The following NTRK3 variants were observed in gnomAD, a reference collection of about 807,000 sequenced individuals.
NTRK3 encodes neurotrophic receptor tyrosine kinase 3, also known as NT-3 growth factor receptor.
NTRK3 carries 24 observed loss-of-function variants against 91.7 expected under a neutral mutation model. The ratio of observed to expected loss-of-function variants is 0.26; its 90% CI spans 0.19 to 0.37. NTRK3 has a LOEUF of 0.37. Ranked by LOEUF, NTRK3 falls within the 10% of genes least tolerant of loss-of-function variation. NTRK3 has a pLI of 1.00. For missense variants in NTRK3, 880 were observed against 1,068.9 expected, an observed-to-expected ratio of 0.82 and a Z score of 2.46; for synonymous variants, 483 against 404.0, an observed-to-expected ratio of 1.20 and a Z score of -2.34.
intron 3 of NTRK3, among the ~76,000 whole-genome samples, chr15:88,203,929 G>A (rs1476203605): frequency 7.9e-5 from 12 of 151,128 alleles, no homozygotes; most frequent in East Asian, 1.9e-4. Flanking sequence ...TTTGTTACAC[G>A]GGTATACATA....
intron 13 of NTRK3, among the ~76,000 whole-genome samples, chr15:88,092,406 C>A (rs1248939619): frequency 1.3e-5 from 2 of 152,228 alleles, no homozygotes; most frequent in Non-Finnish European, 2.9e-5. Context: ...GCACCTTTGG[C>A]AGGTGAGAGC....
intron 14 of NTRK3, among the ~76,000 whole-genome samples, chr15:87,976,293 A>T (rs895869630): frequency 3.9e-5 from 6 of 152,230 alleles, no homozygotes; most frequent in African/African-American, 9.6e-5. Context: ...TCCATTTGGC[A>T]TAAGGGGGTC....
At chr15:87,912,114 G>A (rs1449167978) in intron 17 of NTRK3, among the ~76,000 whole-genome samples, 1 of 152,106 alleles carries the variant, frequency 6.6e-6, no homozygotes, top group Non-Finnish European at 1.5e-5. Flanking sequence ...CTCAAATCAC[G>A]TTGCTGCTGG....
rs374502049 is a variant in NTRK3, at chr15:87,874,818, G to A, written c.*2117C>T. The stretch of plus-strand genomic sequence containing the variant: ...TCCTCTAGGTGGAAAGACAAGAGGA[G>A]TAATTGTCATAGGACAGCAAAGGAG... On this transcript the variant is annotated 3_prime_UTR_variant, in exon 19 of 19. Transcript: ENST00000394480. 1.7e-5 allele frequency: 4 copies of A among 231,746 alleles called. No individual in the cohort carries two copies. In the East Asian group the frequency reaches 1.8e-4, roughly 11 times the overall value. 14.4% of individuals were successfully genotyped at this position (231,746 alleles called of 1,614,324 possible).
intron 14 of NTRK3, among the ~76,000 whole-genome samples, chr15:88,019,856 G>C (rs952450249): frequency 9.2e-5 from 14 of 152,180 alleles, no homozygotes; most frequent in Admixed American, 2.6e-4. Flanking sequence ...TAAGCCAAGT[G>C]AGTCAGGATT....
chr15:88,154,937 C>A (rs1159786992), intron 5 of NTRK3, among the ~76,000 whole-genome samples: 1 of 152,210 alleles, frequency 6.6e-6, no homozygotes, highest in Non-Finnish European at 1.5e-5. Context: ...AAAATACCCA[C>A]ATAACATCCT....
At chr15:88,141,677 G>A (rs1437547276) in intron 6 of NTRK3, among the ~76,000 whole-genome samples, 1 of 152,264 alleles carries the variant, frequency 6.6e-6, no homozygotes, top group Non-Finnish European at 1.5e-5. Flanking sequence ...CACAGCACTT[G>A]ATGCTGTGCT....
At chr15:88,221,365 T>C (rs1451755880) in intron 3 of NTRK3, among the ~76,000 whole-genome samples, 2 of 152,158 alleles carry the variant, frequency 1.3e-5, no homozygotes, top group Non-Finnish European at 2.9e-5. Context: ...TCATTACAAA[T>C]TCATAAGAAA....
At chr15:88,038,946 T>C (rs1271248241) in intron 13 of NTRK3, among the ~76,000 whole-genome samples, 1 of 152,176 alleles carries the variant, frequency 6.6e-6, no homozygotes, top group African/African-American at 2.4e-5. Context: ...CTCACTGAGA[T>C]TGTTCTCACC....
intron 17 of NTRK3, among the ~76,000 whole-genome samples, chr15:87,898,755 G>A (rs1373858020): frequency 6.7e-6 from 1 of 149,306 alleles, no homozygotes; most frequent in Non-Finnish European, 1.5e-5. Context: ...GGAGGCCAAG[G>A]CAGGTGAATC....
intron 14 of NTRK3, among the ~76,000 whole-genome samples, chr15:87,999,294 T>G (rs1325190045): frequency 6.6e-6 from 1 of 152,208 alleles, no homozygotes; most frequent in East Asian, 1.9e-4. Context: ...CCTGTAACCT[T>G]TGATGCTTAC....
rs186065353 is a variant in NTRK3 at position 88,251,555 on chromosome 15, C to A, written c.248+4351G>T. 5.3e-5 allele frequency among the ~76,000 whole-genome samples: 8 copies of A among 152,332 alleles called. No homozygotes were observed. In the East Asian group the frequency reaches 1.4e-3, roughly 26 times the overall value. ...GCCTATGACTTCTGTGCAAGCCACCCATGGGAGCACATGGGATGGGGACCC... is the reference window on the plus strand; with the variant it reads ...GCCTATGACTTCTGTGCAAGCCACCAATGGGAGCACATGGGATGGGGACCC... On this transcript the variant is annotated intron_variant, in intron 3 of 18. Coordinates refer to ENST00000394480, the Ensembl canonical transcript of NTRK3.
Position 88,128,632 on chromosome 15 carries a change from G to C in NTRK3, c.1228+79C>G, listed in dbSNP as rs2053525886. 4.2e-6 allele frequency: 6 copies of C among 1,432,764 alleles called. No individual in the cohort carries two copies. The South Asian group carries it at 4.6e-5, about 11-fold the overall frequency. The allele number at this position is 1,432,764 out of a possible 1,614,324, so 88.8% of individuals were successfully genotyped here. Reference sequence around the variant, plus strand: ...GGGCCAGGGATGATGTGGAATAGGAGAGAGGGCTATTTGAATTCAATAGTT... The same window carrying C: ...GGGCCAGGGATGATGTGGAATAGGACAGAGGGCTATTTGAATTCAATAGTT... On this transcript the variant is annotated intron_variant, in intron 11 of 18. Transcript: ENST00000394480.
At chr15:88,211,406 T>C (rs2141423878) in intron 3 of NTRK3, among the ~76,000 whole-genome samples, 1 of 152,364 alleles carries the variant, frequency 6.6e-6, no homozygotes, top group African/African-American at 2.4e-5. Flanking sequence ...TATTCATTCA[T>C]CAGATGATGG....
At chr15:87,978,446 G>A (rs1023662698) in intron 14 of NTRK3, 5 of 228,604 alleles carry the variant, frequency 2.2e-5, no homozygotes, top group Non-Finnish European at 4.3e-5. Context: ...AGTGGAAGTA[G>A]GGGAAGAGAG....
chr15:87,979,500 C>T, intron 14 of NTRK3: 5 of 1,466,814 alleles, frequency 3.4e-6, no homozygotes, highest in South Asian at 1.2e-5. Context: ...CAGAAAAAAG[C>T]AAAATAAAGT....
intron 13 of NTRK3, among the ~76,000 whole-genome samples, chr15:88,064,738 G>C (rs2046503569): frequency 6.6e-6 from 1 of 152,186 alleles, no homozygotes; most frequent in South Asian, 2.1e-4. Flanking sequence ...GCTCAAAAGA[G>C]GTTATGGGGG....
chr15:87,964,737 T>A (rs766163225), intron 14 of NTRK3, among the ~76,000 whole-genome samples: 3 of 152,206 alleles, frequency 2.0e-5, no homozygotes, highest in Non-Finnish European at 4.4e-5. Context: ...AATGGCATCA[T>A]AGAAAATGGG....
intron 13 of NTRK3, among the ~76,000 whole-genome samples, chr15:88,089,437 A>T (rs935108813): frequency 6.6e-6 from 1 of 152,258 alleles, no homozygotes; most frequent in Non-Finnish European, 1.5e-5. Context: ...ATAACTGGGA[A>T]TAAGTAAAAT....
Sources: gnomAD v4.1 joint callset for allele counts (sites outside exome capture counted in the v4.1 genomes callset) on GRCh38, gnomAD v4.1.1 for gene constraint, MANE v1.5 for transcripts, NCBI Gene and HGNC (gene_info 2026-07-23, HGNC 2026-07-21) for gene names.